SORCS2: variants seen among roughly 807,000 people sequenced by gnomAD.
SORCS2 encodes the protein VPS10 domain-containing receptor SorCS2.
Under a neutral mutation model 141.6 loss-of-function variants are expected in SORCS2, and 100 were observed. That is an observed-to-expected ratio of 0.71 (90% CI 0.60 to 0.83). The LOEUF (loss-of-function observed/expected upper bound fraction) is 0.83, where lower values mean the gene tolerates loss of function less well. Among genes scored for constraint, SORCS2 ranks in the 40% least tolerant of loss-of-function variants. The probability of loss-of-function intolerance (pLI) is 0.00; values close to 1 mark genes in which losing one functional copy is unlikely to be tolerated. For synonymous variants in SORCS2, 789 were observed against 676.9 expected (o/e 1.17, Z -2.57); for missense variants, 1,646 against 1,560.2 (o/e 1.05, Z -0.93).
chr4:7,243,962 C>A (rs141265112), intron 1 of SORCS2, among the ~76,000 whole-genome samples: 1 of 152,170 alleles, frequency 6.6e-6, no homozygotes, highest in East Asian at 1.9e-4. Flanking sequence ...CCAGGTGGAC[C>A]GGGAGGGCCA....
At chr4:7,643,913 A>G (rs1033309109) in intron 4 of SORCS2, among the ~76,000 whole-genome samples, 1 of 152,164 alleles carries the variant, frequency 6.6e-6, no homozygotes, top group Non-Finnish European at 1.5e-5. Context: ...GAGAACAGGG[A>G]AAAGATTGGG....
chr4:7,303,494 C>G (rs973986435), intron 1 of SORCS2, among the ~76,000 whole-genome samples: 3 of 152,174 alleles, frequency 2.0e-5, no homozygotes, highest in African/African-American at 7.2e-5. Context: ...ATTTGACATG[C>G]AATCAAATTC....
chr4:7,499,720 G>A (rs7692314), intron 2 of SORCS2, among the ~76,000 whole-genome samples: 29,573 of 151,568 alleles, frequency 0.2, 5,229 homozygotes, highest in African/African-American at 0.48. Flanking sequence ...AGATCCTCTC[G>A]TCTGCCTTCC....
intron 8 of SORCS2, among the ~76,000 whole-genome samples, chr4:7,669,970 T>C (rs1392630103): frequency 6.6e-6 from 1 of 152,264 alleles, no homozygotes; most frequent in Non-Finnish European, 1.5e-5. Context: ...ACATTTGGGT[T>C]GTTTCCATTT....
intron 2 of SORCS2, among the ~76,000 whole-genome samples, chr4:7,521,541 C>T (rs926697552): frequency 6.6e-6 from 1 of 152,212 alleles, no homozygotes; most frequent in Non-Finnish European, 1.5e-5. Flanking sequence ...GTCTGGGTAC[C>T]TCTTCGCGGG....
chr4:7,211,780 G>T (rs1049474227), intron 1 of SORCS2, among the ~76,000 whole-genome samples: 1 of 152,148 alleles, frequency 6.6e-6, no homozygotes, highest in African/African-American at 2.4e-5. Context: ...TGAGAGGAGG[G>T]GTTGGGGGCT....
At chr4:7,684,222 A>G (rs1043623728) in intron 10 of SORCS2, among the ~76,000 whole-genome samples, 2 of 152,150 alleles carry the variant, frequency 1.3e-5, no homozygotes, top group Non-Finnish European at 2.9e-5. Context: ...CCCCCTGACT[A>G]TGTGATCTTG....
At chr4:7,688,631 G>A (rs532286460) in intron 10 of SORCS2, among the ~76,000 whole-genome samples, 2 of 152,286 alleles carry the variant, frequency 1.3e-5, no homozygotes, top group African/African-American at 2.4e-5. Flanking sequence ...GAGGAGGTAC[G>A]AGGAGTCCAA....
At chr4:7,278,353 T>G (rs566487275) in intron 1 of SORCS2, among the ~76,000 whole-genome samples, 22 of 152,340 alleles carry the variant, frequency 1.4e-4, no homozygotes, top group Non-Finnish European at 4.4e-5. Flanking sequence ...TTCGTTCTTC[T>G]TCATCATCAA....
intron 1 of SORCS2, among the ~76,000 whole-genome samples, chr4:7,252,028 A>G (rs1179729571): frequency 6.6e-6 from 1 of 152,156 alleles, no homozygotes; most frequent in Non-Finnish European, 1.5e-5. Flanking sequence ...TGCCAGTCAT[A>G]TCACTTGCAA....
chr4:7,572,737 C>A (rs1414159753), intron 3 of SORCS2, among the ~76,000 whole-genome samples: 2 of 152,182 alleles, frequency 1.3e-5, no homozygotes, highest in Admixed American at 6.5e-5. Flanking sequence ...TGCTACAGCT[C>A]CATCAATTGT....
intron 3 of SORCS2, among the ~76,000 whole-genome samples, chr4:7,573,672 C>T (rs757832210): frequency 4.5e-4 from 69 of 152,140 alleles, no homozygotes; most frequent in East Asian, 1.2e-3. Flanking sequence ...CATGCACCAC[C>T]GCACTCTGCT....
Position 7,193,603 on chromosome 4 carries a change from T to G in SORCS2, c.480+477T>G, listed in dbSNP as rs1726990341. ...GTGGCGCCTCCGCAGGCTCCGGGAC[T>G]TCCCCGGTCAGCTCGAATCCTGTTC... On this transcript the variant is annotated intron_variant, in intron 1 of 26. Transcript: ENST00000507866. The surrounding 1 kb of genome is among the most constrained non-coding windows in gnomAD (Gnocchi z 4.8). 6.6e-6 allele frequency among the ~76,000 whole-genome samples: 1 copy of G among 152,204 alleles called. No homozygotes were observed. Among genetic ancestry groups the G allele is most frequent in the African/African-American group, 2.4e-5 (1 of 41,462 alleles).
At chr4:7,710,401 G>A (rs1344653754) in intron 14 of SORCS2, among the ~76,000 whole-genome samples, 2 of 151,544 alleles carry the variant, frequency 1.3e-5, no homozygotes, top group Non-Finnish European at 2.9e-5. Context: ...TGCAGTGGGT[G>A]CTCCGTATGC....
intron 2 of SORCS2, among the ~76,000 whole-genome samples, chr4:7,460,669 T>C (rs1170271892): frequency 6.6e-6 from 1 of 152,154 alleles, no homozygotes; most frequent in African/African-American, 2.4e-5. Context: ...CATTAGTTTC[T>C]TGTAGGTGGG....
intron 2 of SORCS2, among the ~76,000 whole-genome samples, chr4:7,530,843 C>T (rs1416951944): frequency 6.6e-6 from 1 of 152,196 alleles, no homozygotes; most frequent in Non-Finnish European, 1.5e-5. Context: ...GGGCCTTGCC[C>T]AAGGAGGTAC....
At chr4:7,511,364 A>T (rs1732630027) in intron 2 of SORCS2, among the ~76,000 whole-genome samples, 1 of 95,402 alleles carries the variant, frequency 1.0e-5, no homozygotes, top group Admixed American at 1.2e-4. Context: ...AGAGAGAGAG[A>T]GTGAGAGGTA....
chr4:7,478,595 C>T (rs1730442514), intron 2 of SORCS2, among the ~76,000 whole-genome samples: 2 of 152,220 alleles, frequency 1.3e-5, no homozygotes, highest in Admixed American at 1.3e-4. Flanking sequence ...CCCCCACTGC[C>T]TTTTCCCCAA....
chr4:7,336,326 T>C (rs35301797), intron 1 of SORCS2, among the ~76,000 whole-genome samples: 54,608 of 124,584 alleles, frequency 0.44, 10,987 homozygotes, highest in East Asian at 0.54. Context: ...TGGCGGTGTC[T>C]CCCAGTGGAG....
Sources: allele counts gnomAD v4.1 joint callset (sites outside exome capture counted in the v4.1 genomes callset), GRCh38; gene constraint gnomAD v4.1.1; non-coding constraint Gnocchi (gnomAD v3.1); transcripts MANE v1.5; gene names NCBI Gene and HGNC (gene_info 2026-07-23, HGNC 2026-07-21).